Variants in FAM124A observed in about 807,000 individuals in gnomAD.
FAM124A encodes protein FAM124A.
Under a neutral mutation model 24.5 loss-of-function variants are expected in FAM124A, and 23 were observed. The observed-to-expected ratio is 0.94, with a 90% CI of 0.68 to 1.33. The LOEUF (loss-of-function observed/expected upper bound fraction) is 1.33. Among genes scored for constraint, FAM124A ranks in the 40% most tolerant of loss-of-function variants. The probability of loss-of-function intolerance (pLI) is 0.00; values close to 1 mark genes in which losing one functional copy is unlikely to be tolerated. For synonymous variants in FAM124A, 287 were observed against 314.7 expected, an observed-to-expected ratio of 0.91 and a Z score of 0.93; for missense variants, 623 against 722.8, an observed-to-expected ratio of 0.86 and a Z score of 1.58.
chr13:51,278,930 C>A lies in FAM124A; in HGVS notation c.835-1520C>A, dbSNP rs1199375115. Among the ~76,000 whole-genome samples the A allele has an allele frequency of 2.6e-5, 4 of 152,206 alleles. No individual in the cohort carries two copies. The East Asian group carries it at 7.7e-4, about 29-fold the overall frequency. On this transcript the variant is annotated intron_variant, in intron 3 of 3. Transcript: ENST00000322475. ...GGCATTCCTTGCATGGGAACCTTGA[C>A]CTTCTGCTCCTCATAAAGCAACCAC...
chr13:51,259,625 T>G (rs1954712988), intron 3 of FAM124A, among the ~76,000 whole-genome samples: 1 of 152,116 alleles, frequency 6.6e-6, no homozygotes, highest in Admixed American at 6.5e-5. Context: ...CTTCCCGCAG[T>G]GAAACGCAGT....
chr13:51,283,653 A>T lies in FAM124A; in HGVS notation c.*2397A>T, dbSNP rs1671470263. ...AGAAATGTGATTCAGTCAATAGCTG[A>T]TGAGGAAAAGCAACCTGCAAACATT... On this transcript the variant is annotated 3_prime_UTR_variant, in exon 4 of 4. Transcript: ENST00000322475. The T allele has an allele frequency of 6.7e-6, 1 of 149,952 alleles. No homozygotes were observed. The allele number at this position is 149,952 out of a possible 1,614,324, so 9.3% of individuals were successfully genotyped here. A position where few individuals can be genotyped will look rare whatever the true frequency, so the allele number is the denominator to read the frequency against.
At chr13:51,264,414 G>C (rs1734974027) in intron 3 of FAM124A, among the ~76,000 whole-genome samples, 1 of 152,094 alleles carries the variant, frequency 6.6e-6, no homozygotes, top group Admixed American at 6.5e-5. Context: ...TCCCTCCTCA[G>C]TGGCCTGTGC....
At chr13:51,222,673 C>T in intron 1 of FAM124A, 104 bp downstream of exon 1, 12 of 1,094,246 alleles carry the variant, frequency 1.1e-5, no homozygotes, top group Non-Finnish European at 1.4e-5. Flanking sequence ...GGGACCGGGG[C>T]GCGGGGCTTC....
intron 1 of FAM124A, among the ~76,000 whole-genome samples, chr13:51,228,630 A>T (rs1313643966): frequency 6.6e-6 from 1 of 152,194 alleles, no homozygotes; most frequent in Admixed American, 6.5e-5. Context: ...ACTTGTCCAG[A>T]GTACAGACTT....
intron 3 of FAM124A, among the ~76,000 whole-genome samples, chr13:51,260,893 C>T: frequency 6.6e-6 from 1 of 152,162 alleles, no homozygotes; most frequent in East Asian, 1.9e-4. Flanking sequence ...CCAGTAGCGC[C>T]CTCCTAGACA....
chr13:51,265,478 C>A (rs1472822817), intron 3 of FAM124A, among the ~76,000 whole-genome samples: 1 of 152,150 alleles, frequency 6.6e-6, no homozygotes, highest in Non-Finnish European at 1.5e-5. Context: ...GCTGCTTCTG[C>A]ATTTCCACCT....
intron 2 of FAM124A, among the ~76,000 whole-genome samples, chr13:51,237,583 A>C (rs1954448146): frequency 6.6e-6 from 1 of 152,102 alleles, no homozygotes; most frequent in African/African-American, 2.4e-5. Context: ...GTGTTGGTCG[A>C]TGGTGTCAGT....
In FAM124A at chr13:51,280,735, G is replaced by A. The variant is rs779986291; in HGVS notation, c.1120G>A (p.Ala374Thr). The A allele has an allele frequency of 1.9e-6, 3 of 1,614,156 alleles. No homozygotes were observed. Among genetic ancestry groups the A allele is most frequent in the Non-Finnish European group, 2.5e-6 (3 of 1,180,026 alleles). ...TTTGCCCACGGGAGGCCCCTCCCTG[G>A]CCTCCTCAGCTGAACCACAGTGGTT... ...FCLPTGGPSLASSAEPQWFSN... is the reference protein window; with the variant it reads ...FCLPTGGPSLTSSAEPQWFSN... The change falls in exon 4 of 4, where the codon GCC becomes ACC. Residue 374 changes from alanine (A) to threonine (T), a missense_variant. By Grantham distance (58) the Ala-to-Thr change is moderately conservative (BLOSUM62 0). Transcript: ENST00000322475.
At chr13:51,276,806 C>T (rs1566175911) in intron 3 of FAM124A, among the ~76,000 whole-genome samples, 1 of 152,128 alleles carries the variant, frequency 6.6e-6, no homozygotes, top group Admixed American at 6.5e-5. Flanking sequence ...ATGGCCATCA[C>T]GGGCTCATTA....
chr13:51,233,944 G>A (rs1030262523), intron 2 of FAM124A, among the ~76,000 whole-genome samples: 2 of 152,146 alleles, frequency 1.3e-5, no homozygotes, highest in Non-Finnish European at 2.9e-5. Context: ...TTGAGACTTG[G>A]GGTGGCACCG....
intron 2 of FAM124A, among the ~76,000 whole-genome samples, chr13:51,243,169 C>T (rs1436926921): frequency 1.3e-5 from 2 of 152,336 alleles, no homozygotes; most frequent in African/African-American, 2.4e-5. Flanking sequence ...GCCACTTTCA[C>T]AGCCCAAAAT....
At position 51,258,276 on chromosome 13, in the gene FAM124A, G is replaced by A. The variant is rs1320414469; in HGVS notation, c.834+6075G>A. Reference sequence around the variant, plus strand: ...CAACAACTCATTATTTCCAAATAAGGTCATATTCTGAGGTTACTAGGGGAT... The same window carrying A: ...CAACAACTCATTATTTCCAAATAAGATCATATTCTGAGGTTACTAGGGGAT... On this transcript the variant is annotated intron_variant, in intron 3 of 3. Transcript: ENST00000322475. This position sits in a 1 kb window ranked among gnomAD's most constrained non-coding sequence, Gnocchi z 4.2. Among the ~76,000 whole-genome samples the A allele has an allele frequency of 6.6e-6, 1 of 152,158 alleles. No individual in the cohort carries two copies. Among genetic ancestry groups the A allele is most frequent in the East Asian group, 1.9e-4 (1 of 5,198 alleles).
intron 2 of FAM124A, among the ~76,000 whole-genome samples, chr13:51,238,992 C>T (rs1161080734): frequency 6.6e-6 from 1 of 152,084 alleles, no homozygotes; most frequent in African/African-American, 2.4e-5. Flanking sequence ...GTGACTTCAA[C>T]TCGACAGAGG....
At chr13:51,262,766 T>C (rs1315847303) in intron 3 of FAM124A, among the ~76,000 whole-genome samples, 2 of 152,348 alleles carry the variant, frequency 1.3e-5, no homozygotes, top group East Asian at 1.9e-4. Context: ...ATCTAGGTTC[T>C]ACTAGTTTGG....
At chr13:51,248,481 A>G (rs1954587329) in intron 2 of FAM124A, among the ~76,000 whole-genome samples, 1 of 152,144 alleles carries the variant, frequency 6.6e-6, no homozygotes, top group Non-Finnish European at 1.5e-5. Context: ...AACAACCATC[A>G]TTATTATTTC....
intron 3 of FAM124A, among the ~76,000 whole-genome samples, chr13:51,275,220 A>AAT (rs1181129366): frequency 6.6e-6 from 1 of 152,034 alleles, no homozygotes; most frequent in African/African-American, 2.4e-5. Flanking sequence ...AAAAAAAAAA[A>AAT]AAAAAAAATT....
rs374556227 is a variant in FAM124A at position 51,224,339 on chromosome 13, C to T, written c.68+1770C>T. Reference sequence around the variant, plus strand: ...ATACAGAATTAGCCAGGTGTGGTGGCGCATGCCTGTAATCCCAGCTACTCG... The same window carrying T: ...ATACAGAATTAGCCAGGTGTGGTGGTGCATGCCTGTAATCCCAGCTACTCG... On this transcript the variant is annotated intron_variant, in intron 1 of 3. Coordinates refer to ENST00000322475, the MANE Select transcript of FAM124A (RefSeq NM_001242312.2). Among the ~76,000 whole-genome samples the T allele has an allele frequency of 3.3e-4, 50 of 152,222 alleles. 1 individual carries two copies. In the East Asian group the frequency reaches 7.0e-3, roughly 21 times the overall value.
At position 51,252,214 on chromosome 13, in the gene FAM124A, C is replaced by G; in HGVS notation, c.834+13C>G. 1 of 1,608,550 alleles carries G rather than the reference C, an allele frequency of 6.2e-7. No individual in the cohort carries two copies. The highest frequency in any genetic ancestry group is 8.5e-7 in the Non-Finnish European group (1 of 1,177,872). On this transcript the variant is annotated intron_variant, in intron 3 of 3. Coordinates refer to ENST00000322475, the MANE Select transcript of FAM124A (RefSeq NM_001242312.2). The stretch of plus-strand genomic sequence containing the variant: ...GATCCTCCTACAGGTACTGGGGGGA[C>G]GCCTGTCTGTCTGTTTAGGGGACCT...
Sources: allele counts gnomAD v4.1 joint callset (sites outside exome capture counted in the v4.1 genomes callset), GRCh38; gene constraint gnomAD v4.1.1; non-coding constraint Gnocchi (gnomAD v3.1); transcripts MANE v1.5; gene names NCBI Gene and HGNC (gene_info 2026-07-23, HGNC 2026-07-21).